Variants in PCDHA9 observed in about 807,000 individuals in gnomAD.
PCDHA9 encodes the protein protocadherin alpha 9.
A neutral mutation model predicts 62.0 loss-of-function variants in PCDHA9; 62 were observed. The ratio of observed to expected loss-of-function variants is 1.00; its 90% CI spans 0.81 to 1.23. The LOEUF is 1.23. Among genes scored for constraint, PCDHA9 ranks in the 50% most tolerant of loss-of-function variants. PCDHA9 has a pLI of 0.00. For missense variants in PCDHA9, 1,205 were observed against 1,249.8 expected (o/e 0.96, Z 0.54); for synonymous variants, 557 against 567.6 (o/e 0.98, Z 0.27).
At chr5:140,921,704 A>T (rs1465184855) in intron 1 of PCDHA9, among the ~76,000 whole-genome samples, 8 of 152,234 alleles carry the variant, frequency 5.3e-5, no homozygotes, top group African/African-American at 1.9e-4. Flanking sequence ...AATTTTAAAC[A>T]GTAAACACAC....
At chr5:140,898,712 T>C (rs1219344656) in intron 1 of PCDHA9, among the ~76,000 whole-genome samples, 2 of 152,206 alleles carry the variant, frequency 1.3e-5, no homozygotes, top group African/African-American at 4.8e-5. Flanking sequence ...AGTAGTTTTT[T>C]CCAATTCTGT....
chr5:140,870,972 G>A, intron 1 of PCDHA9: 2 of 1,613,640 alleles, frequency 1.2e-6, no homozygotes, highest in Non-Finnish European at 1.7e-6. Flanking sequence ...CGTTCCGCGT[G>A]GGGCTGTACA....
At chr5:140,944,241 G>A (rs2093630107) in intron 1 of PCDHA9, among the ~76,000 whole-genome samples, 1 of 152,196 alleles carries the variant, frequency 6.6e-6, no homozygotes, top group African/African-American at 2.4e-5. Context: ...AGGCTGGAGT[G>A]CAGTGATGTG....
chr5:140,854,753 A>G (rs1305589005), intron 1 of PCDHA9: 1 of 149,806 alleles, frequency 6.7e-6, no homozygotes, highest in Non-Finnish European at 1.5e-5. Context: ...GATATATTAC[A>G]TTTTCATTCC....
At chr5:140,982,688 A>ATACATACATGATTTCCT in intron 3 of PCDHA9, 125 bp downstream of exon 3, 1 of 1,415,764 alleles carries the variant, frequency 7.1e-7, no homozygotes, top group Non-Finnish European at 9.3e-7. Flanking sequence ...CCTTTTTTCC[A>ATACATACATGATTTCCT]TACATACATG....
At chr5:140,961,558 A>T (rs1285175060) in intron 1 of PCDHA9, among the ~76,000 whole-genome samples, 1 of 151,976 alleles carries the variant, frequency 6.6e-6, no homozygotes, top group Admixed American at 6.6e-5. Context: ...TTCTTTTTTT[A>T]AATTTTGTTT....
At chr5:140,854,067 C>T (rs2042967096) in intron 1 of PCDHA9, 1 of 266,958 alleles carries the variant, frequency 3.7e-6, no homozygotes, top group Non-Finnish European at 5.7e-6. Context: ...GAGGCTGAGG[C>T]GAGAGAATCG....
chr5:141,010,226 C>G lies in PCDHA9; in HGVS notation c.*289C>G, dbSNP rs1386050566. The G allele has an allele frequency of 1.3e-6, 2 of 1,551,706 alleles. No individual in the cohort carries two copies. Among genetic ancestry groups the G allele is most frequent in the Non-Finnish European group, 1.7e-6 (2 of 1,147,032 alleles). ...CGCCGCAAAGGAGAGGCTTCCCAGC[C>G]CCGCCAGTGAGAGGTTGGACTCTCT... On this transcript the variant is annotated 3_prime_UTR_variant, in exon 4 of 4. Coordinates refer to ENST00000532602, the MANE Select transcript of PCDHA9 (RefSeq NM_031857.2).
chr5:140,947,754 G>A (rs1295200380), intron 1 of PCDHA9, among the ~76,000 whole-genome samples: 2 of 151,334 alleles, frequency 1.3e-5, no homozygotes, highest in African/African-American at 2.4e-5. Flanking sequence ...TGTATTTTAT[G>A]GTTTAAAAAA....
At chr5:140,923,630 G>T (rs1278599561) in intron 1 of PCDHA9, among the ~76,000 whole-genome samples, 1 of 152,106 alleles carries the variant, frequency 6.6e-6, no homozygotes, top group Admixed American at 6.5e-5. Flanking sequence ...TATCCAAAAG[G>T]CAAAAATCTT....
In PCDHA9 at chr5:140,877,445, C is replaced by T. The variant is rs782657623; in HGVS notation, c.2394+26556C>T. ...CTGGTGAAGGACCACGGTGAGCCCG[C>T]GCTGACGTCCACGGCCACGGTGCTG... On this transcript the variant is annotated intron_variant, in intron 1 of 3. Transcript: ENST00000532602. 36 of 1,613,714 alleles carry T rather than the reference C, an allele frequency of 2.2e-5. No individual in the cohort carries two copies. The highest frequency in any genetic ancestry group is 3.0e-5 in the Non-Finnish European group (35 of 1,179,874).
intron 3 of PCDHA9, among the ~76,000 whole-genome samples, chr5:140,993,767 G>A (rs115607244): frequency 3.3e-5 from 5 of 152,010 alleles, no homozygotes; most frequent in Non-Finnish European, 7.4e-5. Context: ...TTACAATTGC[G>A]CAGTATTTTG....
chr5:140,935,995 C>T (rs1282709145), intron 1 of PCDHA9, among the ~76,000 whole-genome samples: 7 of 150,888 alleles, frequency 4.6e-5, no homozygotes, highest in South Asian at 2.1e-4. Context: ...CGGGTTCAAG[C>T]GATTCTCCCA....
chr5:140,868,850 G>C, intron 1 of PCDHA9: 3 of 459,172 alleles, frequency 6.5e-6, no homozygotes, highest in South Asian at 5.9e-5. Flanking sequence ...GTGAAATTCT[G>C]TGGTGGTAAA....
At chr5:140,952,345 A>G (rs1199209045) in intron 1 of PCDHA9, among the ~76,000 whole-genome samples, 2 of 151,900 alleles carry the variant, frequency 1.3e-5, no homozygotes, top group Non-Finnish European at 2.9e-5. Context: ...TCTCAAAAAA[A>G]AAAAAAAAAG....
At position 140,849,758 on chromosome 5, in the gene PCDHA9, C is replaced by G. The variant is rs150560525; in HGVS notation, c.1263C>G (p.Tyr421Ter). ...TGGACCGCGAGAGTGTGTCCGCCTA[C>G]GAGCTGGTGGTTACCGCGCGGGACG... ...RALDRESVSA[Y>*]ELVVTARDGG... is the part of the protein sequence containing the mutation. Residue 421 changes from tyrosine (Y) to a stop codon, truncating the protein, a stop_gained, in exon 1 of 4, where the codon TAC becomes TAG. Transcript: ENST00000532602. LOFTEE classifies it high-confidence loss of function. 7 of 1,598,378 alleles carry G rather than the reference C, an allele frequency of 4.4e-6. No homozygotes were observed. In the African/African-American group the frequency reaches 5.4e-5, roughly 12 times the overall value.
At chr5:140,941,255 C>CTTTCTTTCTTTCTTTCTT (rs782490896) in intron 1 of PCDHA9, among the ~76,000 whole-genome samples, 39 of 44,506 alleles carry the variant, frequency 8.8e-4, no homozygotes, top group Middle Eastern at 0.012. Flanking sequence ...TTCTTTCTTT[C>CTTTCTTTCTTTCTTTCTT]TCTTTCTTTC....
At chr5:140,968,455 G>C in intron 1 of PCDHA9, 2 of 1,614,084 alleles carry the variant, frequency 1.2e-6, no homozygotes, top group Non-Finnish European at 1.7e-6. Context: ...GCAGCACTGT[G>C]ACTGCCAACG....
intron 3 of PCDHA9, among the ~76,000 whole-genome samples, chr5:140,990,224 G>A (rs1368393390): frequency 6.6e-6 from 1 of 152,160 alleles, no homozygotes; most frequent in South Asian, 2.1e-4. Flanking sequence ...GAAGTTTATT[G>A]TAACTAGCGT....
Sources: gnomAD v4.1 joint callset for allele counts (sites outside exome capture counted in the v4.1 genomes callset) on GRCh38, gnomAD v4.1.1 for gene constraint, MANE v1.5 for transcripts, NCBI Gene and HGNC (gene_info 2026-07-23, HGNC 2026-07-21) for gene names.